ADGRL3: variants seen among roughly 807,000 people sequenced by gnomAD.
ADGRL3 encodes adhesion G protein-coupled receptor L3, also known as calcium-independent alpha-latrotoxin receptor 3.
A neutral mutation model predicts 153.5 loss-of-function variants in ADGRL3; 62 were observed. The observed-to-expected ratio is 0.40, with a 90% confidence interval of 0.33 to 0.50. ADGRL3 has a LOEUF of 0.50. ADGRL3 is among the 20% of genes least tolerant of loss of function. The pLI is 0.47. For missense variants in ADGRL3, 1,641 were observed against 1,859.4 expected (o/e 0.88, Z 2.16); for synonymous variants, 710 against 672.5 (o/e 1.06, Z -0.86).
At chr4:61,486,515 T>C (rs2098196091) in intron 2 of ADGRL3, among the ~76,000 whole-genome samples, 1 of 152,138 alleles carries the variant, frequency 6.6e-6, no homozygotes, top group African/African-American at 2.4e-5. Flanking sequence ...CCAGCAAATA[T>C]TAGAAACATT....
chr4:62,013,830 G>T (rs192114500), intron 21 of ADGRL3, among the ~76,000 whole-genome samples: 191 of 152,140 alleles, frequency 1.3e-3, no homozygotes, highest in African/African-American at 4.5e-3. Flanking sequence ...GGAGGTTTCA[G>T]TGAGCCGAGA....
chr4:61,801,079 C>T (rs2097490214), intron 8 of ADGRL3, among the ~76,000 whole-genome samples: 1 of 152,080 alleles, frequency 6.6e-6, no homozygotes, highest in African/African-American at 2.4e-5. Flanking sequence ...TGGTTCGGCA[C>T]ATTAGTATTC....
At chr4:61,519,038 C>A (rs2098514735) in intron 4 of ADGRL3, among the ~76,000 whole-genome samples, 1 of 152,094 alleles carries the variant, frequency 6.6e-6, no homozygotes, top group Admixed American at 6.6e-5. Context: ...CCTGTACATT[C>A]ATCGGACTTT....
chr4:61,595,358 C>T (rs1021394732), intron 5 of ADGRL3, among the ~76,000 whole-genome samples: 1 of 152,088 alleles, frequency 6.6e-6, no homozygotes, highest in African/African-American at 2.4e-5. Flanking sequence ...AGGGCCCAAG[C>T]GTTCTTTAGT....
chr4:61,938,373 G>A (rs1315719114), intron 15 of ADGRL3, among the ~76,000 whole-genome samples: 1 of 152,142 alleles, frequency 6.6e-6, no homozygotes, highest in Non-Finnish European at 1.5e-5. Flanking sequence ...GAATTACTAT[G>A]ATTTGCTCAG....
chr4:61,852,411 C>A (rs1179140612), intron 9 of ADGRL3, among the ~76,000 whole-genome samples: 1 of 152,026 alleles, frequency 6.6e-6, no homozygotes, highest in African/African-American at 2.4e-5. Flanking sequence ...GCTTCCTGGG[C>A]TCAAGCCATT....
intron 1 of ADGRL3, among the ~76,000 whole-genome samples, chr4:61,336,357 A>G (rs2095673828): frequency 6.6e-6 from 1 of 152,110 alleles, no homozygotes; most frequent in African/African-American, 2.4e-5. Context: ...TTTGGTTGTT[A>G]TCCACACTCC....
intron 8 of ADGRL3, among the ~76,000 whole-genome samples, chr4:61,796,001 C>T (rs948094171): frequency 6.6e-6 from 1 of 152,068 alleles, no homozygotes; most frequent in Non-Finnish European, 1.5e-5. Flanking sequence ...CAGCTCCATA[C>T]CCAGCTAATT....
chr4:61,210,655 A>G (rs1037127312), intron 1 of ADGRL3, among the ~76,000 whole-genome samples: 1 of 152,160 alleles, frequency 6.6e-6, no homozygotes, highest in African/African-American at 2.4e-5. Context: ...TCTGGCAAGA[A>G]TGGAAGGGTT....
At chr4:61,955,403 A>G (rs1199661109) in intron 17 of ADGRL3, among the ~76,000 whole-genome samples, 2 of 152,174 alleles carry the variant, frequency 1.3e-5, no homozygotes, top group South Asian at 4.1e-4. Flanking sequence ...ATTAAGATAC[A>G]TATACTTTCA....
intron 13 of ADGRL3, among the ~76,000 whole-genome samples, chr4:61,928,991 T>G (rs539062330): frequency 1.3e-5 from 2 of 152,134 alleles, no homozygotes; most frequent in Non-Finnish European, 2.9e-5. Context: ...AAGGACATGA[T>G]AGTCTGGTGA....
chr4:62,028,708 A>G, intron 21 of ADGRL3, 147 bp from the exon 22 acceptor site: 1 of 537,740 alleles, frequency 1.9e-6, no homozygotes, highest in Non-Finnish European at 3.2e-6. Context: ...TTTAGGATTT[A>G]CCTTCTAGAT....
intron 5 of ADGRL3, among the ~76,000 whole-genome samples, chr4:61,672,006 G>A (rs2095024246): frequency 6.6e-6 from 1 of 152,152 alleles, no homozygotes; most frequent in South Asian, 2.1e-4. Flanking sequence ...TCTGTAGCTT[G>A]TGTCCTCACT....
chr4:61,409,274 TAA>T (rs1237133148), intron 2 of ADGRL3, among the ~76,000 whole-genome samples: 1 of 133,430 alleles, frequency 7.5e-6, no homozygotes, highest in Non-Finnish European at 1.6e-5. Context: ...TAGACATACA[TAA>T]TATATATTAT....
chr4:61,461,815 T>C (rs1159383461), intron 2 of ADGRL3, among the ~76,000 whole-genome samples: 2 of 152,148 alleles, frequency 1.3e-5, no homozygotes, highest in Non-Finnish European at 2.9e-5. Flanking sequence ...GATCAATGAC[T>C]TACTCCAAGA....
intron 25 of ADGRL3, among the ~76,000 whole-genome samples, chr4:62,049,008 G>A (rs1732685821): frequency 6.6e-6 from 1 of 151,626 alleles, no homozygotes; most frequent in South Asian, 2.1e-4. Context: ...CTGAAATTAG[G>A]CTTTATCTTA....
chr4:61,400,520 G>C (rs1218705512), intron 2 of ADGRL3, among the ~76,000 whole-genome samples: 1 of 151,770 alleles, frequency 6.6e-6, no homozygotes, highest in Non-Finnish European at 1.5e-5. Flanking sequence ...TTGTTCCTGG[G>C]ATTCCCTGTG....
intron 1 of ADGRL3, among the ~76,000 whole-genome samples, chr4:61,243,893 G>T (rs1055458224): frequency 6.6e-6 from 1 of 151,946 alleles, no homozygotes; most frequent in African/African-American, 2.4e-5. Context: ...ACACTATTAA[G>T]ATTCAGTTAA....
intron 8 of ADGRL3, among the ~76,000 whole-genome samples, chr4:61,791,737 T>A (rs2097344156): frequency 6.6e-6 from 1 of 152,180 alleles, no homozygotes; most frequent in African/African-American, 2.4e-5. Context: ...TTTCTATACA[T>A]CTGAAATCTA....
Sources: allele counts gnomAD v4.1 joint callset (sites outside exome capture counted in the v4.1 genomes callset), GRCh38; gene constraint gnomAD v4.1.1; transcripts MANE v1.5; gene names NCBI Gene and HGNC (gene_info 2026-07-23, HGNC 2026-07-21).